Variants in ADAMTS2 observed in about 807,000 individuals in gnomAD.
The protein encoded by ADAMTS2 is A disintegrin and metalloproteinase with thrombospondin motifs 2.
ADAMTS2 carries 50 observed loss-of-function variants against 123.0 expected under a neutral mutation model. That is an observed-to-expected ratio of 0.41 (90% CI 0.32 to 0.51). The LOEUF is 0.51. Ranked by LOEUF, ADAMTS2 falls within the 20% of genes least tolerant of loss-of-function variation. The probability of loss-of-function intolerance (pLI) is 0.35; values close to 1 mark genes in which losing one functional copy is unlikely to be tolerated. For missense variants in ADAMTS2, 1,494 were observed against 1,705.2 expected, an observed-to-expected ratio of 0.88 and a Z score of 2.18; for synonymous variants, 678 against 695.4, an observed-to-expected ratio of 0.98 and a Z score of 0.39.
At position 179,234,507 on chromosome 5, in the gene ADAMTS2, AG is replaced by A. The variant is rs1765482551; in HGVS notation, c.689-26793del. Among the ~76,000 whole-genome samples the A allele has an allele frequency of 6.7e-6, 1 of 149,660 alleles. No individual in the cohort carries two copies. The highest frequency in any genetic ancestry group is 6.6e-5 in the Admixed American group (1 of 15,118). On this transcript the variant is annotated intron_variant, in intron 3 of 21. Transcript: ENST00000251582. The surrounding 1 kb of genome is among the most constrained non-coding windows in gnomAD (Gnocchi z 4.7). The stretch of plus-strand genomic sequence containing the variant: ...CCTCCATGACCATGGACCTGCTGAC[AG>A]GTGCCCCCCGACCCACCTCCAGCCT...
intron 2 of ADAMTS2, among the ~76,000 whole-genome samples, chr5:179,294,398 A>G (rs1756273983): frequency 2.0e-5 from 3 of 152,240 alleles, no homozygotes; most frequent in Admixed American, 6.5e-5. Context: ...AATCCCATGA[A>G]CAGGGAAGAT....
intron 2 of ADAMTS2, among the ~76,000 whole-genome samples, chr5:179,305,623 G>A (rs1049340967): frequency 2.6e-5 from 4 of 152,118 alleles, no homozygotes; most frequent in African/African-American, 9.7e-5. Flanking sequence ...TAGAAGGGAG[G>A]AAATGATAAG....
intron 2 of ADAMTS2, among the ~76,000 whole-genome samples, chr5:179,335,388 G>C (rs1757589307): frequency 6.6e-6 from 1 of 152,108 alleles, no homozygotes; most frequent in African/African-American, 2.4e-5. Context: ...TTTATACTCA[G>C]GGTACCTCTC....
intron 7 of ADAMTS2, 141 bp downstream of exon 7, chr5:179,154,673 C>T (rs1320172489): frequency 2.7e-5 from 19 of 707,670 alleles, no homozygotes; most frequent in African/African-American, 1.4e-4. Context: ...CACTGCCCAG[C>T]GCTGGGAAGA....
chr5:179,139,235 G>A lies in ADAMTS2; in HGVS notation c.1775+655C>T, dbSNP rs77312022. ...GCCAGGGTGAGCGTTCAGGCAGGAG[G>A]AGACAGGCAGTGGAGGAGGGAGAGG... On this transcript the variant is annotated intron_variant, in intron 11 of 21. Transcript: ENST00000251582. 7.0e-3 allele frequency among the ~76,000 whole-genome samples: 1,069 copies of A among 152,218 alleles called. 17 individuals carry two copies. Among genetic ancestry groups the A allele is most frequent in the African/African-American group, 0.024 (997 of 41,524 alleles).
At chr5:179,218,697 G>A (rs571664676) in intron 3 of ADAMTS2, among the ~76,000 whole-genome samples, 10 of 152,326 alleles carry the variant, frequency 6.6e-5, no homozygotes, top group Admixed American at 3.3e-4. Flanking sequence ...AGGAACCGCT[G>A]TGCCGAATCT....
At chr5:179,121,546 C>T (rs1581136436) in intron 21 of ADAMTS2, 115 bp downstream of exon 21, 3 of 839,344 alleles carry the variant, frequency 3.6e-6, no homozygotes, top group East Asian at 2.9e-5. Context: ...CAGAGCGCGC[C>T]CGCAGAGTCA....
At chr5:179,178,200 A>C (rs1406368618) in intron 5 of ADAMTS2, among the ~76,000 whole-genome samples, 1 of 152,212 alleles carries the variant, frequency 6.6e-6, no homozygotes, top group Non-Finnish European at 1.5e-5. Flanking sequence ...GGCTTGGGGA[A>C]GGCCGGAACA....
In ADAMTS2 at chr5:179,272,973, T is replaced by C. The variant is rs922625600; in HGVS notation, c.626A>G (p.His209Arg). The change falls in exon 3 of 22, where the codon CAT becomes CGT. Residue 209 changes from histidine (H) to arginine (R), a missense_variant. His to Arg is a conservative substitution (Grantham distance 29). Coordinates refer to ENST00000251582, the MANE Select transcript of ADAMTS2 (RefSeq NM_014244.5). The surrounding 1 kb of genome is among the most constrained non-coding windows in gnomAD (Gnocchi z 5.8). ...CGTGGGTGGCCGGCGATACACCACA[T>C]GCACACGGCCTTGCTCAGCCTCCTG... ...AAQEAEQGRV[H>R]VVYRRPPTSP... 1 of 1,612,636 alleles carries C rather than the reference T, an allele frequency of 6.2e-7. No homozygotes were observed. The highest frequency in any genetic ancestry group is 1.1e-5 in the South Asian group (1 of 91,052).
At chr5:179,148,157 C>T (rs1200554380) in intron 10 of ADAMTS2, among the ~76,000 whole-genome samples, 1 of 152,080 alleles carries the variant, frequency 6.6e-6, no homozygotes, top group Admixed American at 6.5e-5. Flanking sequence ...CTTCCCCCAG[C>T]ACAGCAGCAC....
chr5:179,313,874 TCGTG>T (rs1178755661), intron 2 of ADAMTS2, among the ~76,000 whole-genome samples: 32 of 65,964 alleles, frequency 4.9e-4, no homozygotes, highest in African/African-American at 1.8e-3. Flanking sequence ...GCATTCACAC[TCGTG>T]CACACACACA....
intron 3 of ADAMTS2, among the ~76,000 whole-genome samples, chr5:179,269,085 C>T (rs1766455064): frequency 6.6e-6 from 1 of 152,136 alleles, no homozygotes; most frequent in South Asian, 2.1e-4. Flanking sequence ...AGCACAGGGA[C>T]ACGTCAGAAG....
At position 179,165,339 on chromosome 5, in the gene ADAMTS2, C is replaced by T. The variant is rs1052462744; in HGVS notation, c.976-6460G>A. On this transcript the variant is annotated intron_variant, in intron 5 of 21. Transcript: ENST00000251582. ...AGACACATTTCTCATATATGGATCT[C>T]CTCCAGAAGTGAGGGAGGCTGCACT... 1.2e-4 allele frequency among the ~76,000 whole-genome samples: 19 copies of T among 152,242 alleles called. No homozygotes were observed. In the East Asian group the frequency reaches 2.7e-3, roughly 22 times the overall value.
chr5:179,301,198 C>T (rs965784424), intron 2 of ADAMTS2, among the ~76,000 whole-genome samples: 1 of 152,018 alleles, frequency 6.6e-6, no homozygotes, highest in African/African-American at 2.4e-5. Flanking sequence ...CTCAGGGGCC[C>T]AGCCTGGCTG....
intron 2 of ADAMTS2, among the ~76,000 whole-genome samples, chr5:179,286,218 A>C (rs1756015615): frequency 1.0e-4 from 2 of 19,960 alleles, no homozygotes; most frequent in Non-Finnish European, 3.2e-4. Context: ...TCTTGTCTCA[A>C]AAAAAAAAAA....
Position 179,153,596 on chromosome 5 carries a change from G to C in ADAMTS2, c.1410C>G (p.Pro470=). The C allele has an allele frequency of 1.2e-6, 2 of 1,606,536 alleles. No individual in the cohort carries two copies. Among genetic ancestry groups the C allele is most frequent in the South Asian group, 1.1e-5 (1 of 90,930 alleles). The change falls in exon 9 of 22, where the codon CCC becomes CCG. Residue 470 remains proline, a synonymous_variant. Coordinates refer to ENST00000251582, the MANE Select transcript of ADAMTS2 (RefSeq NM_014244.5). ...LHSYDCLLDD[P]FAHDWPALPQ... is the part of the protein sequence containing the mutation. Reference sequence around the variant, plus strand: ...GCAGCGCCGGCCAGTCGTGGGCGAAGGGGTCATCCAGCAGGCAGTCATAGG... The same window carrying C: ...GCAGCGCCGGCCAGTCGTGGGCGAACGGGTCATCCAGCAGGCAGTCATAGG...
At chr5:179,123,550 C>T (rs1250542265) in intron 19 of ADAMTS2, among the ~76,000 whole-genome samples, 2 of 152,152 alleles carry the variant, frequency 1.3e-5, no homozygotes, top group Admixed American at 6.5e-5. Flanking sequence ...CTTAGCCTCC[C>T]GAGGAGCAGG....
rs1180446329 is a variant in ADAMTS2 at position 179,170,925 on chromosome 5, C to T, written c.975+10147G>A. ...ATCAGACACCTCAGAGACCTGAAAA[C>T]AGGGCCTCCCCCAGTGCTATGCAAA... On this transcript the variant is annotated intron_variant, in intron 5 of 21. Coordinates refer to ENST00000251582, the MANE Select transcript of ADAMTS2 (RefSeq NM_014244.5). This position sits in a 1 kb window ranked among gnomAD's most constrained non-coding sequence, Gnocchi z 4.3. Among the ~76,000 whole-genome samples the T allele has an allele frequency of 6.6e-6, 1 of 152,210 alleles. No homozygotes were observed. The highest frequency in any genetic ancestry group is 1.5e-5 in the Non-Finnish European group (1 of 68,036).
chr5:179,160,970 C>T (rs1763581579), intron 5 of ADAMTS2, among the ~76,000 whole-genome samples: 1 of 152,224 alleles, frequency 6.6e-6, no homozygotes, highest in East Asian at 1.9e-4. Flanking sequence ...GCTGCTCTGT[C>T]ACCTAGGACC....
Sources: allele counts gnomAD v4.1 joint callset (sites outside exome capture counted in the v4.1 genomes callset), GRCh38; gene constraint gnomAD v4.1.1; non-coding constraint Gnocchi (gnomAD v3.1); transcripts MANE v1.5; gene names NCBI Gene and HGNC (gene_info 2026-07-23, HGNC 2026-07-21).